Variants in NAV3 observed in about 807,000 individuals in gnomAD.
NAV3 encodes pore membrane and/or filament interacting like protein 1.
Under a neutral mutation model 244.7 loss-of-function variants are expected in NAV3, and 87 were observed. The observed-to-expected ratio is 0.36, with a 90% CI of 0.30 to 0.42. The LOEUF is 0.42. NAV3 is among the 20% of genes least tolerant of loss of function. The pLI, the probability that NAV3 is intolerant of heterozygous loss-of-function variation, is 1.00. For missense variants in NAV3, 2,663 were observed against 2,893.3 expected (o/e 0.92, Z 1.83); for synonymous variants, 1,126 against 1,042.2 (o/e 1.08, Z -1.55).
chr12:78,078,032 ACGAG>A, intron 12 of NAV3, among the ~76,000 whole-genome samples: 1 of 151,246 alleles, frequency 6.6e-6, no homozygotes, highest in Admixed American at 6.6e-5. Context: ...CTTGAGGGCC[ACGAG>A]TGAGGGATCC....
At chr12:78,007,800 A>G (rs1313292088) in intron 8 of NAV3, among the ~76,000 whole-genome samples, 1 of 152,218 alleles carries the variant, frequency 6.6e-6, no homozygotes, top group East Asian at 1.9e-4. Context: ...TTTTAAAATA[A>G]TTCTCACTTT....
At chr12:77,674,118 CA>C (rs1185548129) in intron 2 of NAV3, among the ~76,000 whole-genome samples, 4 of 152,020 alleles carry the variant, frequency 2.6e-5, no homozygotes, top group Non-Finnish European at 5.9e-5. Flanking sequence ...GCCATAATAT[CA>C]ATGTTTCTTT....
intron 1 of NAV3, among the ~76,000 whole-genome samples, chr12:77,870,279 T>C (rs12304131): frequency 0.24 from 36,117 of 150,492 alleles, 5,036 homozygotes; most frequent in South Asian, 0.35. Flanking sequence ...GCAAGAGTAT[T>C]GCTTGAAACC....
At chr12:77,737,780 G>A (rs1877397012) in intron 2 of NAV3, among the ~76,000 whole-genome samples, 1 of 152,202 alleles carries the variant, frequency 6.6e-6, no homozygotes. Context: ...CACCATGTAA[G>A]AATTCAACAG....
At chr12:77,607,549 G>A (rs940984709) in intron 2 of NAV3, among the ~76,000 whole-genome samples, 5 of 151,450 alleles carry the variant, frequency 3.3e-5, no homozygotes, top group South Asian at 2.1e-4. Context: ...GGAGATGGAC[G>A]TTTCTTAAAT....
intron 1 of NAV3, among the ~76,000 whole-genome samples, chr12:77,886,160 C>T (rs1275546427): frequency 6.6e-6 from 1 of 152,080 alleles, no homozygotes; most frequent in Non-Finnish European, 1.5e-5. Flanking sequence ...CATTCTGCAC[C>T]CATATGAATG....
chr12:77,805,378 GA>G (rs1260780433), intron 2 of NAV3, among the ~76,000 whole-genome samples: 1 of 152,126 alleles, frequency 6.6e-6, no homozygotes, highest in Non-Finnish European at 1.5e-5. Flanking sequence ...TAGCATGAAG[GA>G]GTGTTGAATT....
At chr12:77,890,859 C>T (rs1208824012) in intron 1 of NAV3, among the ~76,000 whole-genome samples, 3 of 152,162 alleles carry the variant, frequency 2.0e-5, no homozygotes, top group African/African-American at 4.8e-5. Context: ...AAAGTAAATT[C>T]AAGTTACAGC....
intron 5 of NAV3, among the ~76,000 whole-genome samples, chr12:77,978,655 AT>A (rs548260522): frequency 1.3e-5 from 2 of 152,096 alleles, no homozygotes; most frequent in Admixed American, 6.5e-5. Flanking sequence ...CCTCATCTCA[AT>A]TTTTTGAGGT....
chr12:78,054,564 T>C (rs1439497362), intron 11 of NAV3, among the ~76,000 whole-genome samples: 1 of 152,178 alleles, frequency 6.6e-6, no homozygotes, highest in Non-Finnish European at 1.5e-5. Context: ...GGGGGTTCAA[T>C]TTCAGGAACT....
intron 38 of NAV3, among the ~76,000 whole-genome samples, chr12:78,203,824 C>G: frequency 6.8e-6 from 1 of 147,448 alleles, no homozygotes; most frequent in Non-Finnish European, 1.5e-5. Flanking sequence ...TTTTTCTGTG[C>G]CCTTGTAATA....
chr12:77,800,664 C>T (rs973423803), intron 2 of NAV3, among the ~76,000 whole-genome samples: 3 of 152,074 alleles, frequency 2.0e-5, no homozygotes, highest in Admixed American at 6.6e-5. Flanking sequence ...TGCATCTTTA[C>T]GACACACTGG....
At chr12:78,149,239 G>A (rs1347137770) in intron 22 of NAV3, among the ~76,000 whole-genome samples, 4 of 152,126 alleles carry the variant, frequency 2.6e-5, no homozygotes, top group South Asian at 2.1e-4. Context: ...CAATGTAAGA[G>A]GGGTTGTTAG....
chr12:77,618,126 A>T (rs965779307), intron 2 of NAV3, among the ~76,000 whole-genome samples: 4 of 152,210 alleles, frequency 2.6e-5, no homozygotes, highest in African/African-American at 4.8e-5. Context: ...TGAGTAAACC[A>T]TCTAGGCAAT....
At chr12:78,160,750 A>G (rs1306055957) in intron 23 of NAV3, among the ~76,000 whole-genome samples, 2 of 151,974 alleles carry the variant, frequency 1.3e-5, no homozygotes, top group African/African-American at 2.4e-5. Context: ...TATTCTCCGT[A>G]TACCCTGCCC....
At chr12:77,662,437 T>C (rs1445404457) in intron 2 of NAV3, among the ~76,000 whole-genome samples, 1 of 152,044 alleles carries the variant, frequency 6.6e-6, no homozygotes, top group Admixed American at 6.6e-5. Context: ...ACAATTCATT[T>C]TTGTATATTG....
At chr12:77,726,338 A>G (rs1169344504) in intron 2 of NAV3, among the ~76,000 whole-genome samples, 1 of 151,878 alleles carries the variant, frequency 6.6e-6, no homozygotes, top group Non-Finnish European at 1.5e-5. Flanking sequence ...CTACCCATTC[A>G]CCTAACATTG....
chr12:77,586,624 A>G lies in NAV3; in HGVS notation c.72+14358A>G, dbSNP rs368840436. ...GAAAGTAAATCTAGAGCAACTAACT[A>G]TTGCAAAATAGGAACAGGAGCTTGG... On this transcript the variant is annotated intron_variant, in intron 2 of 8. Coordinates refer to the NAV3 transcript ENST00000550042. Among the ~76,000 whole-genome samples, 6 of 152,228 alleles carry G rather than the reference A, an allele frequency of 3.9e-5. No homozygotes were observed. The South Asian group carries it at 8.3e-4, about 21-fold the overall frequency.
rs1017747538 is a variant in NAV3, at chr12:77,994,090, G to C, written c.672-713G>C. Among the ~76,000 whole-genome samples, 6 of 152,286 alleles carry C rather than the reference G, an allele frequency of 3.9e-5. No homozygotes were observed. In the East Asian group the frequency reaches 1.2e-3, roughly 29 times the overall value. On this transcript the variant is annotated intron_variant, in intron 5 of 39. Coordinates refer to ENST00000397909, the MANE Select transcript of NAV3 (RefSeq NM_001024383.2). ...AAATCATGCTTTCTTGTGTGCCTTTGAACAAAGATTTTGATTTAAAAAATC... is the reference window on the plus strand; with the variant it reads ...AAATCATGCTTTCTTGTGTGCCTTTCAACAAAGATTTTGATTTAAAAAATC...
Sources: gnomAD v4.1 joint callset for allele counts (sites outside exome capture counted in the v4.1 genomes callset) on GRCh38, gnomAD v4.1.1 for gene constraint, MANE v1.5 for transcripts, NCBI Gene and HGNC (gene_info 2026-07-23, HGNC 2026-07-21) for gene names.